The following TRPM3 variants were observed in gnomAD, a reference collection of about 807,000 sequenced individuals.
TRPM3 encodes the protein long transient receptor potential channel 3.
A neutral mutation model predicts 181.2 loss-of-function variants in TRPM3; 77 were observed. The observed-to-expected ratio is 0.42, with a 90% CI of 0.35 to 0.51. TRPM3 has a LOEUF of 0.51. TRPM3 is among the 20% of genes least tolerant of loss of function. The pLI is 0.01. For missense variants in TRPM3, 1,759 were observed against 2,196.7 expected, an observed-to-expected ratio of 0.80 and a Z score of 3.98; for synonymous variants, 745 against 796.4, an observed-to-expected ratio of 0.94 and a Z score of 1.09.
At chr9:70,681,863 T>C (rs1049609071) in intron 8 of TRPM3, among the ~76,000 whole-genome samples, 1 of 152,196 alleles carries the variant, frequency 6.6e-6, no homozygotes, top group African/African-American at 2.4e-5. Flanking sequence ...AAAGTGCATA[T>C]GTTGAAACCT....
intron 20 of TRPM3, among the ~76,000 whole-genome samples, chr9:70,602,695 G>C (rs2060281265): frequency 1.3e-5 from 2 of 152,118 alleles, no homozygotes; most frequent in African/African-American, 4.8e-5. Flanking sequence ...GAATCTGATG[G>C]GCCCCTGAGG....
At chr9:71,099,167 G>A (rs2067849569) in intron 1 of TRPM3, among the ~76,000 whole-genome samples, 1 of 152,092 alleles carries the variant, frequency 6.6e-6, no homozygotes, top group Non-Finnish European at 1.5e-5. Context: ...TGGCAGATTT[G>A]GAATCTGGTG....
chr9:71,236,507 A>G (rs147640192), intron 1 of TRPM3, among the ~76,000 whole-genome samples: 5 of 152,302 alleles, frequency 3.3e-5, no homozygotes, highest in African/African-American at 1.2e-4. Context: ...TATTTCACTT[A>G]ATAGGAATCA....
chr9:70,761,815 G>C, intron 7 of TRPM3, 91 bp from the exon 8 acceptor site: 1 of 1,451,782 alleles, frequency 6.9e-7, no homozygotes, highest in Non-Finnish European at 9.2e-7. Flanking sequence ...GAAATAATGA[G>C]GGTTTACTTT....
At chr9:71,107,200 C>T (rs972386) in intron 1 of TRPM3, among the ~76,000 whole-genome samples, 10,301 of 152,206 alleles carry the variant, frequency 0.068, 378 homozygotes, top group Middle Eastern at 0.095. Flanking sequence ...CCCACTCCAC[C>T]CACGACGTGC....
chr9:71,111,896 G>T (rs547981449), intron 1 of TRPM3, among the ~76,000 whole-genome samples: 1 of 152,214 alleles, frequency 6.6e-6, no homozygotes, highest in South Asian at 2.1e-4. Flanking sequence ...TAATAATTCT[G>T]ATCTCTTCCA....
At chr9:70,975,775 G>A (rs778547468) in intron 1 of TRPM3, among the ~76,000 whole-genome samples, 3 of 152,156 alleles carry the variant, frequency 2.0e-5, no homozygotes, top group Admixed American at 6.5e-5. Flanking sequence ...GAACATACTC[G>A]TTGGAACCAG....
intron 1 of TRPM3, among the ~76,000 whole-genome samples, chr9:71,234,377 T>A (rs2081243817): frequency 2.0e-5 from 3 of 152,190 alleles, no homozygotes; most frequent in Admixed American, 2.0e-4. Context: ...TTGGAGGCCA[T>A]CTTAGGAGCT....
intron 1 of TRPM3, among the ~76,000 whole-genome samples, chr9:71,050,217 G>T (rs2059914127): frequency 6.6e-6 from 1 of 152,140 alleles, no homozygotes; most frequent in Non-Finnish European, 1.5e-5. Flanking sequence ...ATTGTTTTGT[G>T]GGTATGGAAT....
At chr9:70,749,725 C>A (rs1472235158) in intron 8 of TRPM3, among the ~76,000 whole-genome samples, 1 of 152,152 alleles carries the variant, frequency 6.6e-6, no homozygotes, top group Non-Finnish European at 1.5e-5. Flanking sequence ...ATGAAGTCAT[C>A]CTGGAGAAGG....
intron 1 of TRPM3, among the ~76,000 whole-genome samples, chr9:71,031,283 C>T (rs1218602827): frequency 6.6e-6 from 1 of 152,214 alleles, no homozygotes; most frequent in Non-Finnish European, 1.5e-5. Context: ...AACATGGTCT[C>T]TGCCCTTGCA....
intron 1 of TRPM3, among the ~76,000 whole-genome samples, chr9:71,017,921 T>C (rs2097797908): frequency 6.6e-6 from 1 of 151,860 alleles, no homozygotes; most frequent in Non-Finnish European, 1.5e-5. Context: ...AAATATTTCA[T>C]ATTCTGGGCC....
intron 1 of TRPM3, among the ~76,000 whole-genome samples, chr9:70,870,454 T>C (rs746017999): frequency 2.6e-5 from 4 of 152,000 alleles, no homozygotes; most frequent in Non-Finnish European, 5.9e-5. Context: ...TCTTCAGGAG[T>C]TGGCTACAGA....
At chr9:70,770,039 T>C (rs1401828158) in intron 7 of TRPM3, among the ~76,000 whole-genome samples, 1 of 152,216 alleles carries the variant, frequency 6.6e-6, no homozygotes, top group Non-Finnish European at 1.5e-5. Context: ...CTTTTCCTTT[T>C]AATCAGATTA....
intron 6 of TRPM3, among the ~76,000 whole-genome samples, chr9:70,797,515 G>A (rs548835747): frequency 1.6e-4 from 24 of 152,174 alleles, no homozygotes; most frequent in African/African-American, 3.4e-4. Flanking sequence ...CCCAACCTTC[G>A]TCTCCCCATC....
At chr9:70,967,745 A>C (rs985733825) in intron 1 of TRPM3, among the ~76,000 whole-genome samples, 2 of 152,102 alleles carry the variant, frequency 1.3e-5, no homozygotes, top group African/African-American at 4.8e-5. Flanking sequence ...CATCATTATG[A>C]TGTGAATATT....
At chr9:71,350,453 G>GT (rs1364031926) in intron 1 of TRPM3, among the ~76,000 whole-genome samples, 1 of 152,196 alleles carries the variant, frequency 6.6e-6, no homozygotes, top group Non-Finnish European at 1.5e-5. Flanking sequence ...CGTCTGACTA[G>GT]TTCCTAAATA....
chr9:71,133,905 A>G (rs2074543677), intron 1 of TRPM3, among the ~76,000 whole-genome samples: 2 of 151,646 alleles, frequency 1.3e-5, no homozygotes, highest in Admixed American at 1.3e-4. Flanking sequence ...TGCTTTGAAA[A>G]CCACCTCTGC....
intron 8 of TRPM3, among the ~76,000 whole-genome samples, chr9:70,682,130 C>T (rs1251660225): frequency 6.6e-6 from 1 of 152,016 alleles, no homozygotes; most frequent in Non-Finnish European, 1.5e-5. Context: ...TTTGTTTTAG[C>T]AGCCTGAATA....
Sources: gnomAD v4.1 joint callset for allele counts (sites outside exome capture counted in the v4.1 genomes callset) on GRCh38, gnomAD v4.1.1 for gene constraint, MANE v1.5 for transcripts, NCBI Gene and HGNC (gene_info 2026-07-23, HGNC 2026-07-21) for gene names.